Variants in DNM3 observed in about 807,000 individuals in gnomAD.
DNM3 encodes the protein dynamin 3, also known as dynamin-3.
A neutral mutation model predicts 101.6 loss-of-function variants in DNM3; 47 were observed. That is an observed-to-expected ratio of 0.46 (90% CI 0.37 to 0.59). The LOEUF (loss-of-function observed/expected upper bound fraction) is 0.59. DNM3 is among the 20% of genes least tolerant of loss of function. DNM3 has a pLI of 0.00. For synonymous variants in DNM3, 385 were observed against 387.9 expected (o/e 0.99, Z 0.09); for missense variants, 849 against 1,085.7 (o/e 0.78, Z 3.06).
chr1:172,105,518 G>A lies in DNM3; in HGVS notation c.1545+12643G>A, dbSNP rs114353931. 6.5e-3 allele frequency among the ~76,000 whole-genome samples: 996 copies of A among 152,238 alleles called. 11 individuals carry two copies. The highest frequency in any genetic ancestry group is 0.023 in the African/African-American group (955 of 41,562). ...AGTGACACACTTTTTAATTATTGCAGCAGTCTGTTTTAATAACTGCTAGGT... is the reference window on the plus strand; with the variant it reads ...AGTGACACACTTTTTAATTATTGCAACAGTCTGTTTTAATAACTGCTAGGT... On this transcript the variant is annotated intron_variant, in intron 13 of 20. Transcript: ENST00000627582.
chr1:172,193,988 G>T (rs1572901584), intron 14 of DNM3, among the ~76,000 whole-genome samples: 1 of 152,184 alleles, frequency 6.6e-6, no homozygotes, highest in East Asian at 1.9e-4. Context: ...GCTTTCTCTT[G>T]TGGGCATTTA....
intron 4 of DNM3, among the ~76,000 whole-genome samples, chr1:172,029,420 C>G (rs2048441522): frequency 6.6e-6 from 1 of 152,054 alleles, no homozygotes; most frequent in Non-Finnish European, 1.5e-5. Flanking sequence ...ATAATAAGAG[C>G]TATTTATGAC....
intron 15 of DNM3, among the ~76,000 whole-genome samples, chr1:172,281,795 T>C (rs2063500762): frequency 6.6e-6 from 1 of 152,096 alleles, no homozygotes; most frequent in African/African-American, 2.4e-5. Context: ...TAAATGTTCC[T>C]AACAAAAAGA....
chr1:172,257,877 AACACACACACACACAC>A (rs56955112), intron 15 of DNM3, among the ~76,000 whole-genome samples: 1 of 145,120 alleles, frequency 6.9e-6, no homozygotes, highest in African/African-American at 2.5e-5. Flanking sequence ...AACCCCCACC[AACACACACACACACAC>A]ACACACACAC....
At chr1:172,316,333 C>A (rs10911558) in intron 16 of DNM3, among the ~76,000 whole-genome samples, 49,708 of 151,214 alleles carry the variant, frequency 0.33, 8,725 homozygotes, top group African/African-American at 0.47. Context: ...GCATGAACTA[C>A]TGAGCAAAAT....
chr1:172,084,802 G>A (rs964329231), intron 12 of DNM3, among the ~76,000 whole-genome samples: 1 of 152,094 alleles, frequency 6.6e-6, no homozygotes, highest in Non-Finnish European at 1.5e-5. Context: ...GTTGCCAAAA[G>A]GGAAGGAACT....
rs1434709203 is a variant in DNM3 at position 172,115,358 on chromosome 1, CTGGGTTAT to C, written c.1546-15813_1546-15806del. Among the ~76,000 whole-genome samples the C allele has an allele frequency of 2.6e-5, 4 of 152,146 alleles. No individual in the cohort carries two copies. The East Asian group carries it at 7.7e-4, about 29-fold the overall frequency. On this transcript the variant is annotated intron_variant, in intron 13 of 20. Transcript: ENST00000627582. The stretch of plus-strand genomic sequence containing the variant: ...TGCTCAAAGCTCCATCATCTCTCAC[CTGGGTTAT>C]TGGCCTCCCTCCTGCTTCTCCTCTT...
At chr1:172,101,513 G>A (rs563162070) in intron 13 of DNM3, among the ~76,000 whole-genome samples, 6 of 152,234 alleles carry the variant, frequency 3.9e-5, no homozygotes, top group African/African-American at 1.2e-4. Context: ...GTTTCATAAG[G>A]TTTTTGTATT....
At chr1:171,970,583 C>T (rs1189441581) in intron 2 of DNM3, among the ~76,000 whole-genome samples, 1 of 148,166 alleles carries the variant, frequency 6.7e-6, no homozygotes, top group African/African-American at 2.4e-5. Flanking sequence ...TATAATTATC[C>T]TCCAAATTAT....
intron 14 of DNM3, among the ~76,000 whole-genome samples, chr1:172,244,749 T>A (rs1241784708): frequency 6.6e-6 from 1 of 152,096 alleles, no homozygotes; most frequent in Non-Finnish European, 1.5e-5. Context: ...ACTTTTACAC[T>A]GTTGGTGGGA....
rs532311964 is a variant in DNM3, at chr1:172,352,306, A to G, written c.1894-26712A>G. Among the ~76,000 whole-genome samples the G allele has an allele frequency of 7.2e-5, 11 of 152,316 alleles. No homozygotes were observed. In the East Asian group the frequency reaches 1.5e-3, roughly 21 times the overall value. ...ATTAAAGGCTAAAAAAGTCATTTCA[A>G]TGACTAAAGTTCTTATATCTTTTAG... On this transcript the variant is annotated intron_variant, in intron 17 of 20. Coordinates refer to ENST00000627582, the MANE Select transcript of DNM3 (RefSeq NM_015569.5).
intron 1 of DNM3, among the ~76,000 whole-genome samples, chr1:171,852,271 T>C (rs2033066652): frequency 6.6e-6 from 1 of 152,268 alleles, no homozygotes; most frequent in Non-Finnish European, 1.5e-5. Flanking sequence ...ATATTTTCTT[T>C]ATATGAAATT....
At chr1:172,328,757 A>G (rs2148927864) in intron 17 of DNM3, among the ~76,000 whole-genome samples, 1 of 152,298 alleles carries the variant, frequency 6.6e-6, no homozygotes, top group South Asian at 2.1e-4. Context: ...TAACCTATAT[A>G]ACAAACCTGC....
intron 2 of DNM3, among the ~76,000 whole-genome samples, chr1:171,931,306 A>C (rs560819535): frequency 6.6e-6 from 1 of 152,238 alleles, no homozygotes; most frequent in South Asian, 2.1e-4. Flanking sequence ...TAGATATTTT[A>C]ACCATTTTTA....
intron 17 of DNM3, among the ~76,000 whole-genome samples, chr1:172,328,417 A>T (rs2066031325): frequency 6.6e-6 from 1 of 152,194 alleles, no homozygotes; most frequent in Non-Finnish European, 1.5e-5. Flanking sequence ...AATGTGGCAC[A>T]TATACACCAT....
At chr1:172,191,439 T>C (rs959981681) in intron 14 of DNM3, among the ~76,000 whole-genome samples, 2 of 152,196 alleles carry the variant, frequency 1.3e-5, no homozygotes, top group African/African-American at 2.4e-5. Context: ...TAGTTTGAAG[T>C]CAGGTAGCAT....
At chr1:172,193,297 T>C (rs1238698511) in intron 14 of DNM3, among the ~76,000 whole-genome samples, 1 of 152,180 alleles carries the variant, frequency 6.6e-6, no homozygotes, top group Non-Finnish European at 1.5e-5. Context: ...TCGATGTTCA[T>C]CAGGGATATT....
intron 13 of DNM3, among the ~76,000 whole-genome samples, chr1:172,120,312 A>G (rs957599557): frequency 2.6e-5 from 4 of 152,140 alleles, no homozygotes; most frequent in African/African-American, 9.7e-5. Flanking sequence ...CTTATTCACT[A>G]TCAGGAGAAC....
intron 1 of DNM3, among the ~76,000 whole-genome samples, chr1:171,909,212 G>T (rs1571555430): frequency 6.6e-6 from 1 of 152,164 alleles, no homozygotes; most frequent in Non-Finnish European, 1.5e-5. Context: ...AGGCCGAGCT[G>T]GGTGGATCAC....
Sources: allele counts gnomAD v4.1 joint callset (sites outside exome capture counted in the v4.1 genomes callset), GRCh38; gene constraint gnomAD v4.1.1; transcripts MANE v1.5; gene names NCBI Gene and HGNC (gene_info 2026-07-23, HGNC 2026-07-21).